Variants in LIPC observed in about 807,000 individuals in gnomAD.
The protein encoded by LIPC is hepatic triacylglycerol lipase.
LIPC carries 44 observed loss-of-function variants against 50.7 expected under a neutral mutation model. The observed-to-expected ratio is 0.87, with a 90% CI of 0.68 to 1.11. LIPC has a LOEUF of 1.11. Ranked by LOEUF, LIPC falls within the 50% of genes most tolerant of loss-of-function variation. The pLI is 0.00. For synonymous variants in LIPC, 271 were observed against 256.4 expected (o/e 1.06, Z -0.54); for missense variants, 697 against 648.2 (o/e 1.08, Z -0.82).
intron 1 of LIPC, among the ~76,000 whole-genome samples, chr15:58,528,775 C>A (rs1273288619): frequency 6.6e-6 from 1 of 152,246 alleles, no homozygotes; most frequent in Non-Finnish European, 1.5e-5. Context: ...GGAAAGGAAG[C>A]AGCAATCTTC....
chr15:58,494,593 C>T (rs1891703007), intron 1 of LIPC, among the ~76,000 whole-genome samples: 1 of 152,204 alleles, frequency 6.6e-6, no homozygotes, highest in Non-Finnish European at 1.5e-5. Flanking sequence ...ACCAGTAGCA[C>T]ATAGTTGTGA....
chr15:58,488,959 T>C (rs886789750), intron 1 of LIPC, among the ~76,000 whole-genome samples: 3 of 152,146 alleles, frequency 2.0e-5, no homozygotes, highest in Admixed American at 6.6e-5. Context: ...AAAAGGCAAG[T>C]GGTCCTGATG....
chr15:58,479,104 T>C (rs1891100377), intron 1 of LIPC, among the ~76,000 whole-genome samples: 1 of 152,206 alleles, frequency 6.6e-6, no homozygotes. Flanking sequence ...TCATTATTGC[T>C]CAGCAAACAG....
intron 1 of LIPC, among the ~76,000 whole-genome samples, chr15:58,492,966 C>A (rs1205516862): frequency 6.6e-6 from 1 of 152,156 alleles, no homozygotes; most frequent in African/African-American, 2.4e-5. Flanking sequence ...CTCTTCCATT[C>A]CTGATGGATT....
rs187848130 is a variant in LIPC, at chr15:58,531,790, C to A, written c.89-6543C>A. ...AAAAATGATGGGAAGATGGCAACCT[C>A]CAAAATGTAATAAATTAATTTCAGC... is the stretch of plus-strand genomic sequence containing the variant. On this transcript the variant is annotated intron_variant, in intron 1 of 8. Transcript: ENST00000299022. Among the ~76,000 whole-genome samples, 8 of 152,194 alleles carry A rather than the reference C, an allele frequency of 5.3e-5. 1 individual carries two copies. The highest frequency in any genetic ancestry group is 5.2e-4 in the Admixed American group (8 of 15,284).
chr15:58,550,021 C>T (rs770605363), intron 6 of LIPC, among the ~76,000 whole-genome samples: 1 of 152,168 alleles, frequency 6.6e-6, no homozygotes, highest in African/African-American at 2.4e-5. Context: ...ATGGAATGTT[C>T]GCATCATGAG....
chr15:58,452,579 T>G (rs1400262306), intron 1 of LIPC, among the ~76,000 whole-genome samples: 1 of 152,238 alleles, frequency 6.6e-6, no homozygotes, highest in East Asian at 1.9e-4. Flanking sequence ...TTTTACTTTA[T>G]TCTAAAGCCT....
chr15:58,545,642 G>A, intron 4 of LIPC, 100 bp from the exon 5 acceptor site: 1 of 997,316 alleles, frequency 1.0e-6, no homozygotes, highest in Non-Finnish European at 1.5e-6. Context: ...TCTTCTTCCT[G>A]CTAGTTCACT....
chr15:58,464,988 G>A (rs901800397), intron 1 of LIPC, among the ~76,000 whole-genome samples: 2 of 152,046 alleles, frequency 1.3e-5, no homozygotes, highest in African/African-American at 2.4e-5. Flanking sequence ...TGGGGAGCGA[G>A]GGGGGAGCCC....
At chr15:58,486,033 T>G (rs529058482) in intron 1 of LIPC, among the ~76,000 whole-genome samples, 1 of 152,336 alleles carries the variant, frequency 6.6e-6, no homozygotes, top group South Asian at 2.1e-4. Context: ...TAGAAGTAGG[T>G]TCCAGTGAAC....
chr15:58,440,620 G>T (rs1385685567), intron 1 of LIPC, among the ~76,000 whole-genome samples: 1 of 152,222 alleles, frequency 6.6e-6, no homozygotes, highest in Non-Finnish European at 1.5e-5. Flanking sequence ...GGGTGTGTGT[G>T]GGGGCAGGGA....
intron 1 of LIPC, among the ~76,000 whole-genome samples, chr15:58,459,999 C>G (rs1160157099): frequency 6.6e-6 from 1 of 152,212 alleles, no homozygotes; most frequent in Non-Finnish European, 1.5e-5. Context: ...GAAAACAACT[C>G]TCAAGGCTCA....
chr15:58,481,995 G>A (rs910588261), intron 1 of LIPC, among the ~76,000 whole-genome samples: 2 of 152,174 alleles, frequency 1.3e-5, no homozygotes, highest in Non-Finnish European at 2.9e-5. Context: ...GGGGCAGCAG[G>A]GAAAGAGCCT....
At chr15:58,523,871 G>A (rs969597857) in intron 1 of LIPC, among the ~76,000 whole-genome samples, 2 of 151,708 alleles carry the variant, frequency 1.3e-5, no homozygotes, top group African/African-American at 2.4e-5. Context: ...AGAGGTCAAG[G>A]CTGCAGTGAG....
chr15:58,476,616 C>T (rs1037036035), intron 1 of LIPC, among the ~76,000 whole-genome samples: 3 of 152,342 alleles, frequency 2.0e-5, no homozygotes, highest in South Asian at 2.1e-4. Flanking sequence ...CTCACCCTGC[C>T]GGCTGCGTTC....
intron 1 of LIPC, among the ~76,000 whole-genome samples, chr15:58,448,390 A>C (rs755073835): frequency 1.3e-5 from 2 of 152,222 alleles, no homozygotes; most frequent in Non-Finnish European, 2.9e-5. Flanking sequence ...TCTGGGGCTC[A>C]CCTACAGTCT....
chr15:58,539,765 C>A lies in LIPC; in HGVS notation c.273+1248C>A, dbSNP rs570994180. Reference sequence around the variant, plus strand: ...GCTTGTATTAATAGCTTCCTCCACACCCCATGCACCTGCCTTCTCTCTTCT... The same window carrying A: ...GCTTGTATTAATAGCTTCCTCCACAACCCATGCACCTGCCTTCTCTCTTCT... On this transcript the variant is annotated intron_variant, in intron 2 of 8. Coordinates refer to ENST00000299022, the MANE Select transcript of LIPC (RefSeq NM_000236.3). Among the ~76,000 whole-genome samples, 7 of 152,300 alleles carry A rather than the reference C, an allele frequency of 4.6e-5. No homozygotes were observed. The South Asian group carries it at 1.4e-3, about 32-fold the overall frequency.
At chr15:58,528,752 A>T (rs1892864021) in intron 1 of LIPC, among the ~76,000 whole-genome samples, 1 of 152,210 alleles carries the variant, frequency 6.6e-6, no homozygotes, top group Non-Finnish European at 1.5e-5. Context: ...TCTTCCATCC[A>T]CGGGTCCAGA....
chr15:58,450,095 G>T (rs1893847949), intron 1 of LIPC, among the ~76,000 whole-genome samples: 2 of 152,178 alleles, frequency 1.3e-5, no homozygotes, highest in South Asian at 4.1e-4. Flanking sequence ...ACTCATATAT[G>T]ATCTGGGGCA....
Sources: allele counts gnomAD v4.1 joint callset (sites outside exome capture counted in the v4.1 genomes callset), GRCh38; gene constraint gnomAD v4.1.1; transcripts MANE v1.5; gene names NCBI Gene and HGNC (gene_info 2026-07-23, HGNC 2026-07-21).